PTPN12: variants seen among roughly 807,000 people sequenced by gnomAD.
The protein encoded by PTPN12 is protein tyrosine phosphatase non-receptor type 12, also known as tyrosine-protein phosphatase non-receptor type 12.
In PTPN12, 29 loss-of-function variants were observed where a neutral mutation model predicts 97.6. That is an observed-to-expected ratio of 0.30 (90% CI 0.22 to 0.41). The LOEUF is 0.41. Ranked by LOEUF, PTPN12 falls within the 10% of genes least tolerant of loss-of-function variation. The probability of loss-of-function intolerance (pLI) is 1.00; values close to 1 mark genes in which losing one functional copy is unlikely to be tolerated. For synonymous variants in PTPN12, 327 were observed against 300.4 expected (o/e 1.09, Z -0.91); for missense variants, 819 against 926.0 (o/e 0.88, Z 1.50).
chr7:77,575,906 C>T (rs528844686), intron 2 of PTPN12, among the ~76,000 whole-genome samples: 1 of 152,178 alleles, frequency 6.6e-6, no homozygotes, highest in African/African-American at 2.4e-5. Flanking sequence ...GGCTGGAGTG[C>T]AGTGGCATGA....
chr7:77,586,447 C>G (rs563280035), intron 5 of PTPN12, among the ~76,000 whole-genome samples: 1 of 151,134 alleles, frequency 6.6e-6, no homozygotes, highest in Admixed American at 7.0e-5. Context: ...GGACCAGGAA[C>G]GGTAGTTCAC....
At chr7:77,612,454 T>C (rs1788602553) in intron 11 of PTPN12, among the ~76,000 whole-genome samples, 1 of 152,246 alleles carries the variant, frequency 6.6e-6, no homozygotes, top group Non-Finnish European at 1.5e-5. Flanking sequence ...ATTTTGTTTT[T>C]TGAAATGGAG....
intron 16 of PTPN12, 126 bp downstream of exon 16, chr7:77,637,174 T>C: frequency 1.4e-6 from 1 of 709,164 alleles, no homozygotes; most frequent in Non-Finnish European, 2.3e-6. Context: ...AGGACAACTC[T>C]TGTAGAAGCT....
At chr7:77,543,829 G>A (rs976391985) in intron 1 of PTPN12, among the ~76,000 whole-genome samples, 1 of 152,162 alleles carries the variant, frequency 6.6e-6, no homozygotes, top group Non-Finnish European at 1.5e-5. Flanking sequence ...CCATGTTATA[G>A]TATTGATCCG....
At chr7:77,591,262 T>A (rs555819910) in intron 5 of PTPN12, among the ~76,000 whole-genome samples, 1 of 152,318 alleles carries the variant, frequency 6.6e-6, no homozygotes, top group African/African-American at 2.4e-5. Context: ...TAATTAGGAA[T>A]TCATTAACCA....
intron 2 of PTPN12, among the ~76,000 whole-genome samples, chr7:77,577,255 TC>T (rs1787372035): frequency 6.6e-6 from 1 of 152,188 alleles, no homozygotes; most frequent in African/African-American, 2.4e-5. Flanking sequence ...AGCCCCAGTT[TC>T]AAATGTGTCA....
At chr7:77,639,112 G>T (rs1057063858) in intron 17 of PTPN12, 107 bp from the exon 18 acceptor site, 11 of 907,642 alleles carry the variant, frequency 1.2e-5, no homozygotes, top group African/African-American at 1.7e-5. Flanking sequence ...AAATTCCCTT[G>T]TGGAAATTTA....
At chr7:77,636,818 A>G (rs1789610841) in intron 15 of PTPN12, 200 bp from the exon 16 acceptor site, 2 of 445,822 alleles carry the variant, frequency 4.5e-6, no homozygotes, top group East Asian at 3.7e-5. Flanking sequence ...GTGCTCATCC[A>G]GAAACATTTA....
intron 12 of PTPN12, among the ~76,000 whole-genome samples, chr7:77,624,280 A>G (rs1460593264): frequency 6.6e-6 from 1 of 152,000 alleles, no homozygotes; most frequent in African/African-American, 2.4e-5. Context: ...AAAAAAAAAA[A>G]GAATCTACTT....
At position 77,638,830 on chromosome 7, in the gene PTPN12, A is replaced by T. The variant is rs1018497467; in HGVS notation, c.2281+99A>T. 7.6e-6 allele frequency: 11 copies of T among 1,442,204 alleles called. No individual in the cohort carries two copies. The African/African-American group carries it at 1.5e-4, about 19-fold the overall frequency. The allele number at this position is 1,442,204 out of a possible 1,614,324, so 89.3% of individuals were successfully genotyped here. A position where few individuals can be genotyped will look rare whatever the true frequency, so the allele number is the denominator to read the frequency against. Reference sequence around the variant, plus strand: ...TGAAATGACACTTGCCAAGAATAAAACATGATTTTCCAAAGTTGCTTGGAC... The same window carrying T: ...TGAAATGACACTTGCCAAGAATAAATCATGATTTTCCAAAGTTGCTTGGAC... On this transcript the variant is annotated intron_variant, in intron 17 of 17. Coordinates refer to ENST00000248594, the MANE Select transcript of PTPN12 (RefSeq NM_002835.4).
intron 13 of PTPN12, among the ~76,000 whole-genome samples, chr7:77,631,885 G>A (rs1789411014): frequency 6.6e-6 from 1 of 152,208 alleles, no homozygotes; most frequent in South Asian, 2.1e-4. Context: ...TTTAAAATGA[G>A]TCAGATTTTA....
At chr7:77,547,192 A>G (rs1163875669) in intron 1 of PTPN12, among the ~76,000 whole-genome samples, 1 of 152,116 alleles carries the variant, frequency 6.6e-6, no homozygotes, top group African/African-American at 2.4e-5. Context: ...ATCCATTCAT[A>G]CAGAAGGTAT....
At chr7:77,632,534 A>G in intron 14 of PTPN12, 109 bp downstream of exon 14, 1 of 804,886 alleles carries the variant, frequency 1.2e-6, no homozygotes, top group Non-Finnish European at 2.0e-6. Flanking sequence ...TAAATTCAAA[A>G]ACAAGTAAAT....
intron 8 of PTPN12, among the ~76,000 whole-genome samples, chr7:77,604,592 TC>T (rs1788299963): frequency 6.6e-6 from 1 of 152,190 alleles, no homozygotes. Flanking sequence ...CCATGGTTTT[TC>T]CTGTCTTCTG....
intron 1 of PTPN12, among the ~76,000 whole-genome samples, chr7:77,546,016 C>T (rs1807204118): frequency 6.6e-6 from 1 of 152,146 alleles, no homozygotes; most frequent in Admixed American, 6.5e-5. Flanking sequence ...ACTGCAACCT[C>T]CGCCTCCTGG....
chr7:77,571,203 C>A lies in PTPN12; in HGVS notation c.208+17C>A. ...TACTGCCATGTAAGTTGGAAATGCC[C>A]TTGATAAAATACATAGAAATGCTAA... On this transcript the variant is annotated intron_variant, in intron 2 of 17. Transcript: ENST00000248594. 6.8e-7 allele frequency: 1 copy of A among 1,477,104 alleles called. No homozygotes were observed. Among genetic ancestry groups the A allele is most frequent in the Non-Finnish European group, 9.3e-7 (1 of 1,072,612 alleles). 91.5% of individuals were successfully genotyped at this position (1,477,104 alleles called of 1,614,324 possible).
Position 77,600,544 on chromosome 7 carries a change from T to C in PTPN12, c.553-120T>C, listed in dbSNP as rs116440932. 3,609 of 796,046 alleles carry C rather than the reference T, an allele frequency of 4.5e-3. 89 individuals are homozygous for C. The African/African-American group carries it at 0.055, about 12-fold the overall frequency. 49.3% of individuals were successfully genotyped at this position (796,046 alleles called of 1,614,324 possible). A position where few individuals can be genotyped will look rare whatever the true frequency, so the allele number is the denominator to read the frequency against. The stretch of plus-strand genomic sequence containing the variant: ...GTGTTGGCTATTATTTATTTGGGTT[T>C]TTTTAAAAGCAGTGCTAAATGCCAC... On this transcript the variant is annotated intron_variant, in intron 7 of 17. Coordinates refer to ENST00000248594, the MANE Select transcript of PTPN12 (RefSeq NM_002835.4).
At chr7:77,607,632 A>G (rs1788419096) in intron 9 of PTPN12, among the ~76,000 whole-genome samples, 1 of 152,200 alleles carries the variant, frequency 6.6e-6, no homozygotes, top group South Asian at 2.1e-4. Flanking sequence ...TAATTGCTGC[A>G]TATTGCCTTT....
At chr7:77,593,660 T>C (rs1431290123) in intron 6 of PTPN12, among the ~76,000 whole-genome samples, 2 of 152,218 alleles carry the variant, frequency 1.3e-5, no homozygotes, top group Admixed American at 1.3e-4. Flanking sequence ...ACAGATTGGA[T>C]GAGGCCCAAC....
Sources: allele counts gnomAD v4.1 joint callset (sites outside exome capture counted in the v4.1 genomes callset), GRCh38; gene constraint gnomAD v4.1.1; transcripts MANE v1.5; gene names NCBI Gene and HGNC (gene_info 2026-07-23, HGNC 2026-07-21).